Variants in TM6SF1 observed in about 807,000 individuals in gnomAD.
The protein encoded by TM6SF1 is transmembrane 6 superfamily member 1.
TM6SF1 carries 43 observed loss-of-function variants against 47.1 expected under a neutral mutation model. That is an observed-to-expected ratio of 0.91 (90% CI 0.72 to 1.18). The LOEUF (loss-of-function observed/expected upper bound fraction) is 1.18, where lower values mean the gene tolerates loss of function less well. Among genes scored for constraint, TM6SF1 ranks in the 50% most tolerant of loss-of-function variants. The pLI, the probability that TM6SF1 is intolerant of heterozygous loss-of-function variation, is 0.00. For missense variants in TM6SF1, 390 were observed against 449.0 expected (o/e 0.87, Z 1.19); for synonymous variants, 177 against 166.3 (o/e 1.06, Z -0.49).
In TM6SF1 at chr15:83,136,855, C is replaced by A. The variant is rs923916928; in HGVS notation, c.*183C>A. Reference sequence around the variant, plus strand: ...TTTTTTTTGAAGGAAAATGGAAATTCTTGAGAAACAGTTTGTTTAAAGAAA... The same window carrying A: ...TTTTTTTTGAAGGAAAATGGAAATTATTGAGAAACAGTTTGTTTAAAGAAA... On this transcript the variant is annotated 3_prime_UTR_variant, in exon 10 of 10. Coordinates refer to ENST00000322019, the MANE Select transcript of TM6SF1 (RefSeq NM_023003.5). 1 of 418,014 alleles carries A rather than the reference C, an allele frequency of 2.4e-6. No individual in the cohort carries two copies. The highest frequency in any genetic ancestry group is 4.2e-6 in the Non-Finnish European group (1 of 235,710). The allele number at this position is 418,014 out of a possible 1,614,324, so 25.9% of individuals were successfully genotyped here.
At chr15:83,116,971 C>T (rs72755992) in intron 3 of TM6SF1, among the ~76,000 whole-genome samples, 30,914 of 152,078 alleles carry the variant, frequency 0.2, 3,290 homozygotes, top group Admixed American at 0.22. Flanking sequence ...CTGCTCCCTG[C>T]CCCCTGGGAG....
chr15:83,120,690 C>T (rs1171099072), intron 4 of TM6SF1, among the ~76,000 whole-genome samples: 1 of 151,116 alleles, frequency 6.6e-6, no homozygotes, highest in Non-Finnish European at 1.5e-5. Context: ...CAGGCCTCAG[C>T]TGGGACTACA....
chr15:83,122,842 T>C lies in TM6SF1; in HGVS notation c.567T>C (p.Tyr189=), dbSNP rs1567145133. ...CLPVWAGFRI[Y]NQPSENYNYP... Reference sequence around the variant, plus strand: ...CTGTCTGGGCTGGTTTCAGAATCTATAATCAGCCATCAGAAAATTATAATT... The same window carrying C: ...CTGTCTGGGCTGGTTTCAGAATCTACAATCAGCCATCAGAAAATTATAATT... The change falls in exon 6 of 10, where the codon TAT becomes TAC. Residue 189 remains tyrosine (Y), a synonymous_variant. Transcript: ENST00000322019. 6.2e-7 allele frequency: 1 copy of C among 1,614,062 alleles called. No homozygotes were observed. Among genetic ancestry groups the C allele is most frequent in the East Asian group, 2.2e-5 (1 of 44,882 alleles).
intron 9 of TM6SF1, chr15:83,129,497 A>C (rs1467972946): frequency 2.6e-5 from 4 of 152,144 alleles, no homozygotes; most frequent in Non-Finnish European, 5.9e-5. Context: ...TGGGAAAAAA[A>C]CCCCAATTTA....
Position 83,107,690 on chromosome 15 carries a change from T to C in TM6SF1, c.10T>C (p.Ser4Pro), listed in dbSNP as rs777274220. 1 of 1,560,240 alleles carries C rather than the reference T, an allele frequency of 6.4e-7. No homozygotes were observed. Among genetic ancestry groups the C allele is most frequent in the Admixed American group, 1.9e-5 (1 of 53,048 alleles). MSA[S>P]AATGVFVLSL... ...CGGCGCGGCGGCTGCGATGAGTGCCTCTGCGGCCACCGGGGTCTTCGTGCT... is the reference window on the plus strand; with the variant it reads ...CGGCGCGGCGGCTGCGATGAGTGCCCCTGCGGCCACCGGGGTCTTCGTGCT... Residue 4 changes from serine to proline, a missense_variant, in exon 1 of 10, where the codon TCT (serine) becomes CCT (proline). By Grantham distance (74) the Ser-to-Pro change is moderately conservative. Transcript: ENST00000322019. This position sits in a 1 kb window ranked among gnomAD's most constrained non-coding sequence, Gnocchi z 5.6.
At chr15:83,134,794 G>A (rs41326445) in intron 9 of TM6SF1, 30,792 of 152,146 alleles carry the variant, frequency 0.2, 3,264 homozygotes, top group Admixed American at 0.22. Context: ...TTCCAGTCCA[G>A]AGAAAATGCT....
At chr15:83,122,073 C>G (rs1596497292) in intron 5 of TM6SF1, 70 bp downstream of exon 5, 3 of 1,225,330 alleles carry the variant, frequency 2.4e-6, no homozygotes, top group Middle Eastern at 1.9e-4. Flanking sequence ...AATAGAGAAG[C>G]TCTTTTAGTT....
intron 6 of TM6SF1, 25 bp downstream of exon 6, chr15:83,122,903 C>T: frequency 6.2e-7 from 1 of 1,612,298 alleles, no homozygotes; most frequent in Non-Finnish European, 8.5e-7. Flanking sequence ...CTTTGATGTA[C>T]CCTGTTCTCA....
At position 83,107,779 on chromosome 15, in the gene TM6SF1, G is replaced by A; in HGVS notation, c.92+7G>A. On this transcript the variant is annotated splice_region_variant and intron_variant, in intron 1 of 9. Transcript: ENST00000322019. This position sits in a 1 kb window ranked among gnomAD's most constrained non-coding sequence, Gnocchi z 5.6. ...ACCTGGCGGCCCAGCATGAGTGAGT[G>A]AGCCGGCGCGGCGGGGGTCGCGCCG... 1.9e-6 allele frequency: 3 copies of A among 1,576,522 alleles called. No individual in the cohort carries two copies. The highest frequency in any genetic ancestry group is 1.2e-5 in the South Asian group (1 of 86,856).
chr15:83,122,041 A>T (rs2151362740), intron 5 of TM6SF1, 38 bp downstream of exon 5: 1 of 1,478,964 alleles, frequency 6.8e-7, no homozygotes. Flanking sequence ...TTCCTTTTCT[A>T]AAACAATGGG....
chr15:83,113,086 A>G, intron 2 of TM6SF1, 186 bp downstream of exon 2: 1 of 595,578 alleles, frequency 1.7e-6, no homozygotes, highest in Non-Finnish European at 3.0e-6. Context: ...AGTGGACTCC[A>G]CCCTCTCCCA....
Position 83,121,910 on chromosome 15 carries a change from T to C in TM6SF1, c.399-11T>C. The C allele has an allele frequency of 1.9e-6, 3 of 1,591,048 alleles. No homozygotes were observed. The highest frequency in any genetic ancestry group is 2.6e-6 in the Non-Finnish European group (3 of 1,172,822). On this transcript the variant is annotated splice_polypyrimidine_tract_variant and intron_variant, in intron 4 of 9. Transcript: ENST00000322019. ...TACCAAGTCAAGATTTTTTTGTTGT[T>C]GTTGTTACAGGGAAACTTATAGAAC...
chr15:83,119,413 C>T (rs1031229553), intron 3 of TM6SF1, among the ~76,000 whole-genome samples, 165 bp from the exon 4 acceptor site: 8 of 152,150 alleles, frequency 5.3e-5, no homozygotes, highest in Admixed American at 1.3e-4. Context: ...GCAGCTCCAG[C>T]GTAAAGTTGT....
chr15:83,110,057 C>T (rs2034006293), intron 1 of TM6SF1, among the ~76,000 whole-genome samples: 1 of 152,192 alleles, frequency 6.6e-6, no homozygotes, highest in African/African-American at 2.4e-5. Flanking sequence ...GCGCCGTGTG[C>T]ATCGTAGGCA....
Position 83,122,019 on chromosome 15 carries a change from T to G in TM6SF1, c.481+16T>G, listed in dbSNP as rs1179426807. 2.0e-5 allele frequency: 31 copies of G among 1,585,024 alleles called. No individual in the cohort carries two copies. Among genetic ancestry groups the G allele is most frequent in the Non-Finnish European group, 2.7e-5 (31 of 1,158,412 alleles). ...AACATTGTAGGTAAGAAACTTTATCTTAAAGTTCACTTTCCTTTTCTAAAA... is the reference window on the plus strand; with the variant it reads ...AACATTGTAGGTAAGAAACTTTATCGTAAAGTTCACTTTCCTTTTCTAAAA... On this transcript the variant is annotated intron_variant, in intron 5 of 9. Coordinates refer to ENST00000322019, the MANE Select transcript of TM6SF1 (RefSeq NM_023003.5).
At chr15:83,128,996 A>C (rs2036007457) in intron 9 of TM6SF1, 1 of 152,088 alleles carries the variant, frequency 6.6e-6, no homozygotes, top group African/African-American at 2.4e-5. Context: ...GCACACAGCT[A>C]ATTTTTAAAT....
chr15:83,112,781 G>C lies in TM6SF1; in HGVS notation c.93-16G>C, dbSNP rs775487472. ...TTATTTTGATAGTGACCACCTCCCTGTTCTGGTCGTTGCAGTTCCTGGACT... is the reference window on the plus strand; with the variant it reads ...TTATTTTGATAGTGACCACCTCCCTCTTCTGGTCGTTGCAGTTCCTGGACT... On this transcript the variant is annotated splice_polypyrimidine_tract_variant and intron_variant, in intron 1 of 9. Coordinates refer to ENST00000322019, the MANE Select transcript of TM6SF1 (RefSeq NM_023003.5). The C allele has an allele frequency of 6.3e-7, 1 of 1,593,488 alleles. No individual in the cohort carries two copies. The highest frequency in any genetic ancestry group is 1.1e-5 in the South Asian group (1 of 90,662).
intron 1 of TM6SF1, among the ~76,000 whole-genome samples, chr15:83,111,028 G>A (rs757105890): frequency 2.0e-5 from 3 of 151,930 alleles, no homozygotes; most frequent in East Asian, 1.9e-4. Context: ...CCGCCACCTC[G>A]CCTGGCTAAT....
rs1348574415 is a variant in TM6SF1 at position 83,122,645 on chromosome 15, T to C, written c.482-112T>C. On this transcript the variant is annotated intron_variant, in intron 5 of 9. Coordinates refer to ENST00000322019, the MANE Select transcript of TM6SF1 (RefSeq NM_023003.5). Reference sequence around the variant, plus strand: ...TTTTAATTTGGCCTCATTAAAAATATTGTCTGGCCCATAGCAAAATTTTAG... The same window carrying C: ...TTTTAATTTGGCCTCATTAAAAATACTGTCTGGCCCATAGCAAAATTTTAG... 6.0e-6 allele frequency: 7 copies of C among 1,171,920 alleles called. No individual in the cohort carries two copies. The African/African-American group carries it at 6.2e-5, about 10-fold the overall frequency. The allele number at this position is 1,171,920 out of a possible 1,614,324, so 72.6% of individuals were successfully genotyped here.
Sources: gnomAD v4.1 joint callset for allele counts (sites outside exome capture counted in the v4.1 genomes callset) on GRCh38, gnomAD v4.1.1 for gene constraint, Gnocchi (gnomAD v3.1) non-coding constraint, MANE v1.5 for transcripts, NCBI Gene and HGNC (gene_info 2026-07-23, HGNC 2026-07-21) for gene names.